The following SGMS2 variants were observed in gnomAD, a reference collection of about 807,000 sequenced individuals.
The protein encoded by SGMS2 is phosphatidylcholine:ceramide cholinephosphotransferase 2.
In SGMS2, 21 loss-of-function variants were observed where a neutral mutation model predicts 43.8. The ratio of observed to expected loss-of-function variants is 0.48; its 90% CI spans 0.34 to 0.69. The LOEUF (loss-of-function observed/expected upper bound fraction) is 0.69. Ranked by LOEUF, SGMS2 falls within the 30% of genes least tolerant of loss-of-function variation. SGMS2 has a pLI of 0.01. For synonymous variants in SGMS2, 167 were observed against 160.6 expected (o/e 1.04, Z -0.30); for missense variants, 384 against 443.2 (o/e 0.87, Z 1.20).
chr4:107,849,087 A>C, intron 1 of SGMS2, among the ~76,000 whole-genome samples: 1 of 152,260 alleles, frequency 6.6e-6, no homozygotes, highest in Middle Eastern at 3.4e-3. Flanking sequence ...TATCCTGAGA[A>C]GCAGTACTTT....
intron 1 of SGMS2, among the ~76,000 whole-genome samples, chr4:107,856,295 A>G (rs907705271): frequency 2.0e-5 from 3 of 152,236 alleles, no homozygotes; most frequent in Non-Finnish European, 4.4e-5. Flanking sequence ...ATGTAACACC[A>G]TGTTAAGATA....
chr4:107,892,988 A>G (rs1415728860), intron 2 of SGMS2: 5 of 152,274 alleles, frequency 3.3e-5, no homozygotes, highest in South Asian at 4.1e-4. Context: ...TGAATGTGCT[A>G]TGTATATTTA....
chr4:107,901,696 G>A (rs1731120622), intron 4 of SGMS2, among the ~76,000 whole-genome samples: 1 of 152,164 alleles, frequency 6.6e-6, no homozygotes, highest in Non-Finnish European at 1.5e-5. Context: ...TTTACAGTCA[G>A]ACAATCTGTG....
At chr4:107,877,106 C>T (rs1479283030) in intron 2 of SGMS2, among the ~76,000 whole-genome samples, 1 of 151,792 alleles carries the variant, frequency 6.6e-6, no homozygotes, top group Non-Finnish European at 1.5e-5. Flanking sequence ...ATGAGACCAG[C>T]CTGGGGAACA....
chr4:107,907,180 C>T (rs1731650114), intron 5 of SGMS2: 3 of 152,278 alleles, frequency 2.0e-5, no homozygotes, highest in Admixed American at 6.5e-5. Context: ...AGGAATATAT[C>T]CAAAATTAGA....
chr4:107,851,663 C>G (rs1389136568), intron 1 of SGMS2, among the ~76,000 whole-genome samples: 1 of 152,170 alleles, frequency 6.6e-6, no homozygotes, highest in African/African-American at 2.4e-5. Flanking sequence ...TCCTCTCTCC[C>G]TAAGCAAGAA....
chr4:107,904,552 T>G (rs9997112), intron 5 of SGMS2, among the ~76,000 whole-genome samples: 8,522 of 152,292 alleles, frequency 0.056, 360 homozygotes, highest in African/African-American at 0.1. Context: ...GTCTTTTTTG[T>G]GAGAATTGTA....
At chr4:107,853,867 C>T (rs946349897) in intron 1 of SGMS2, among the ~76,000 whole-genome samples, 4 of 152,106 alleles carry the variant, frequency 2.6e-5, no homozygotes, top group South Asian at 2.1e-4. Context: ...GGAAAGGAAA[C>T]CAAATGCGGT....
At chr4:107,907,360 C>T (rs1300651404) in intron 5 of SGMS2, 1 of 152,198 alleles carries the variant, frequency 6.6e-6, no homozygotes, top group Non-Finnish European at 1.5e-5. Context: ...GCCTATAATC[C>T]CAGCACTTTG....
chr4:107,905,992 T>TC (rs1241209988), intron 5 of SGMS2, among the ~76,000 whole-genome samples: 1 of 152,198 alleles, frequency 6.6e-6, no homozygotes, highest in Non-Finnish European at 1.5e-5. Flanking sequence ...GAGGGACAAA[T>TC]CTGTAATACT....
At chr4:107,876,756 TACA>T (rs1462795172) in intron 2 of SGMS2, among the ~76,000 whole-genome samples, 2 of 152,210 alleles carry the variant, frequency 1.3e-5, no homozygotes, top group African/African-American at 4.8e-5. Context: ...CTGAGTTTTC[TACA>T]ACAAGATTAT....
intron 1 of SGMS2, among the ~76,000 whole-genome samples, chr4:107,834,322 A>G (rs907777477): frequency 4.6e-5 from 7 of 152,202 alleles, no homozygotes; most frequent in Non-Finnish European, 8.8e-5. Context: ...GTGTATTTCT[A>G]TACCTAACAA....
chr4:107,911,639 A>G lies in SGMS2; in HGVS notation c.*1086A>G, dbSNP rs994773394. The G allele has an allele frequency of 6.6e-6, 1 of 152,244 alleles. No individual in the cohort carries two copies. The highest frequency in any genetic ancestry group is 2.4e-5 in the African/African-American group (1 of 41,478). The allele number at this position is 152,244 out of a possible 1,614,324, so 9.4% of individuals were successfully genotyped here. ...CTTTTAGCAAGAGACTCAGTTTCTTATAACTAGTCCTAAGGACATATGCCG... is the reference window on the plus strand; with the variant it reads ...CTTTTAGCAAGAGACTCAGTTTCTTGTAACTAGTCCTAAGGACATATGCCG... On this transcript the variant is annotated 3_prime_UTR_variant, in exon 7 of 7. Coordinates refer to ENST00000690982, the MANE Select transcript of SGMS2 (RefSeq NM_001375905.1).
chr4:107,898,263 AT>A (rs11421852), intron 3 of SGMS2, among the ~76,000 whole-genome samples: 10 of 148,896 alleles, frequency 6.7e-5, no homozygotes, highest in African/African-American at 1.7e-4. Context: ...GTTCCCTTCT[AT>A]TTTTTTTTTG....
intron 1 of SGMS2, among the ~76,000 whole-genome samples, chr4:107,848,082 A>T (rs1277607238): frequency 6.6e-6 from 1 of 152,016 alleles, no homozygotes; most frequent in Non-Finnish European, 1.5e-5. Flanking sequence ...CTCCTCCCCA[A>T]TCCTCAACCT....
At chr4:107,900,578 A>C (rs997135693) in intron 4 of SGMS2, among the ~76,000 whole-genome samples, 4 of 152,206 alleles carry the variant, frequency 2.6e-5, no homozygotes, top group Admixed American at 2.6e-4. Context: ...ATGTCTTCTG[A>C]AACCATCCTA....
chr4:107,864,607 ATG>A (rs748404361), intron 2 of SGMS2, among the ~76,000 whole-genome samples: 3 of 152,240 alleles, frequency 2.0e-5, no homozygotes, highest in Admixed American at 2.0e-4. Context: ...CTTTAAAAAT[ATG>A]TGTTTTTAAT....
intron 1 of SGMS2, among the ~76,000 whole-genome samples, chr4:107,854,633 C>A (rs1444185496): frequency 6.6e-6 from 1 of 152,144 alleles, no homozygotes; most frequent in Admixed American, 6.6e-5. Context: ...CTGGAACTGT[C>A]TCCTCCTCAG....
At chr4:107,873,185 G>A (rs1336717043) in intron 2 of SGMS2, 1 of 152,078 alleles carries the variant, frequency 6.6e-6, no homozygotes. Context: ...GTGCTAATTT[G>A]TCAATGAGAC....
Sources: gnomAD v4.1 joint callset for allele counts (sites outside exome capture counted in the v4.1 genomes callset) on GRCh38, gnomAD v4.1.1 for gene constraint, MANE v1.5 for transcripts, NCBI Gene and HGNC (gene_info 2026-07-23, HGNC 2026-07-21) for gene names.